Variants in NKAIN2 observed in about 807,000 individuals in gnomAD.
The protein encoded by NKAIN2 is sodium/potassium-transporting ATPase subunit beta-1-interacting protein 2.
NKAIN2 carries 14 observed loss-of-function variants against 32.6 expected under a neutral mutation model. The ratio of observed to expected loss-of-function variants is 0.43; its 90% confidence interval spans 0.28 to 0.67. The LOEUF is 0.67. NKAIN2 is among the 30% of genes least tolerant of loss of function. The probability of loss-of-function intolerance (pLI) is 0.17; values close to 1 mark genes in which losing one functional copy is unlikely to be tolerated. For missense variants in NKAIN2, 198 were observed against 258.3 expected (o/e 0.77, Z 1.60); for synonymous variants, 80 against 87.2 (o/e 0.92, Z 0.46).
chr6:124,271,548 C>T (rs946502939), intron 1 of NKAIN2, among the ~76,000 whole-genome samples: 2 of 152,170 alleles, frequency 1.3e-5, no homozygotes, highest in Non-Finnish European at 2.9e-5. Context: ...TACCCAGTCT[C>T]AGATGGTATC....
chr6:124,637,638 AAAG>A (rs1334759670), intron 3 of NKAIN2, among the ~76,000 whole-genome samples: 2 of 152,128 alleles, frequency 1.3e-5, no homozygotes, highest in African/African-American at 4.8e-5. Context: ...AGTAGGTAAG[AAAG>A]AAATTATGAA....
intron 3 of NKAIN2, among the ~76,000 whole-genome samples, chr6:124,524,800 A>G (rs916182484): frequency 2.6e-5 from 4 of 152,180 alleles, no homozygotes; most frequent in African/African-American, 9.7e-5. Context: ...TTTTGAATCA[A>G]TATGCTTTTT....
At chr6:124,188,962 T>G (rs551098216) in intron 1 of NKAIN2, among the ~76,000 whole-genome samples, 1 of 152,158 alleles carries the variant, frequency 6.6e-6, no homozygotes, top group Non-Finnish European at 1.5e-5. Flanking sequence ...CTGAGCAAAT[T>G]TGAAAAATAA....
At chr6:124,667,362 C>A (rs1293042272) in intron 4 of NKAIN2, among the ~76,000 whole-genome samples, 1 of 151,970 alleles carries the variant, frequency 6.6e-6, no homozygotes, top group Non-Finnish European at 1.5e-5. Flanking sequence ...GTGCAATAAA[C>A]AATGTATGAT....
Position 124,823,402 on chromosome 6 carries a change from G to T in NKAIN2, c.*173G>T. 1.6e-6 allele frequency: 1 copy of T among 612,078 alleles called. No homozygotes were observed. Among genetic ancestry groups the T allele is most frequent in the Non-Finnish European group, 2.9e-6 (1 of 340,080 alleles). 37.9% of individuals were successfully genotyped at this position (612,078 alleles called of 1,614,324 possible). A position where few individuals can be genotyped will look rare whatever the true frequency, so the allele number is the denominator to read the frequency against. On this transcript the variant is annotated 3_prime_UTR_variant, in exon 7 of 7. Transcript: ENST00000368417. ...CTGACACACACACACACACACACGT[G>T]AGCACGCACACACCAATTCCACTTG...
intron 3 of NKAIN2, among the ~76,000 whole-genome samples, chr6:124,609,576 G>C (rs1782616857): frequency 6.6e-6 from 1 of 152,002 alleles, no homozygotes; most frequent in Non-Finnish European, 1.5e-5. Context: ...ATGAACATGT[G>C]TCTGATCGAT....
At chr6:124,780,811 C>CGCTGGTGT (rs1434078991) in intron 4 of NKAIN2, among the ~76,000 whole-genome samples, 4 of 152,172 alleles carry the variant, frequency 2.6e-5, no homozygotes, top group Admixed American at 2.6e-4. Context: ...AAGAAGCCCA[C>CGCTGGTGT]GCTGGTGTGT....
At chr6:124,585,989 G>C (rs1372546705) in intron 3 of NKAIN2, among the ~76,000 whole-genome samples, 1 of 152,026 alleles carries the variant, frequency 6.6e-6, no homozygotes, top group Non-Finnish European at 1.5e-5. Context: ...ATAGCTTTAG[G>C]TTTTACATTT....
At chr6:124,810,819 C>T (rs529566185) in intron 5 of NKAIN2, among the ~76,000 whole-genome samples, 1 of 151,784 alleles carries the variant, frequency 6.6e-6, no homozygotes, top group African/African-American at 2.4e-5. Flanking sequence ...TATGCTTCGC[C>T]TGCTCAAAGC....
chr6:124,596,342 T>A (rs1272429469), intron 3 of NKAIN2, among the ~76,000 whole-genome samples: 4 of 152,044 alleles, frequency 2.6e-5, no homozygotes, highest in Admixed American at 1.3e-4. Flanking sequence ...GTTGCAGAAT[T>A]GCAGTGGAAA....
chr6:124,199,156 G>T (rs1790482052), intron 1 of NKAIN2, among the ~76,000 whole-genome samples: 1 of 152,100 alleles, frequency 6.6e-6, no homozygotes, highest in Non-Finnish European at 1.5e-5. Context: ...ACAGGATTTT[G>T]CTTGGCACAA....
intron 1 of NKAIN2, among the ~76,000 whole-genome samples, chr6:124,103,017 G>T (rs1441728586): frequency 1.3e-5 from 2 of 152,108 alleles, no homozygotes; most frequent in African/African-American, 2.4e-5. Flanking sequence ...GAAAACAGTA[G>T]ACTGAAAATC....
At chr6:124,049,540 T>C (rs991466696) in intron 1 of NKAIN2, among the ~76,000 whole-genome samples, 5 of 152,126 alleles carry the variant, frequency 3.3e-5, no homozygotes, top group Non-Finnish European at 7.4e-5. Flanking sequence ...TCCCCTGTTA[T>C]GTGCAGTTTT....
intron 1 of NKAIN2, among the ~76,000 whole-genome samples, chr6:124,097,454 A>C (rs73563161): frequency 0.028 from 4,260 of 152,146 alleles, 199 homozygotes; most frequent in African/African-American, 0.096. Flanking sequence ...AAATCAATAT[A>C]AATTTCATCT....
At chr6:124,278,606 A>G (rs1795143539) in intron 1 of NKAIN2, among the ~76,000 whole-genome samples, 1 of 146,458 alleles carries the variant, frequency 6.8e-6, no homozygotes, top group South Asian at 2.1e-4. Context: ...ATATATATAC[A>G]TACACACACG....
chr6:124,541,234 G>A (rs1028113369), intron 3 of NKAIN2, among the ~76,000 whole-genome samples: 2 of 152,054 alleles, frequency 1.3e-5, no homozygotes, highest in African/African-American at 4.8e-5. Flanking sequence ...TCTCCCCAGT[G>A]GGGAACTGTG....
intron 3 of NKAIN2, among the ~76,000 whole-genome samples, chr6:124,553,943 T>G (rs1486415941): frequency 6.6e-6 from 1 of 152,224 alleles, no homozygotes; most frequent in African/African-American, 2.4e-5. Flanking sequence ...ATAATTTTTA[T>G]GTGAGTCTTG....
At chr6:123,916,149 A>G (rs1235117874) in intron 1 of NKAIN2, among the ~76,000 whole-genome samples, 1 of 152,172 alleles carries the variant, frequency 6.6e-6, no homozygotes, top group Non-Finnish European at 1.5e-5. Context: ...AGATAAGTTA[A>G]TCTAGGGCAC....
chr6:124,345,606 T>C (rs1481801824), intron 2 of NKAIN2, among the ~76,000 whole-genome samples: 2 of 151,964 alleles, frequency 1.3e-5, no homozygotes, highest in Admixed American at 1.3e-4. Flanking sequence ...TTCTAGATTT[T>C]CTAGTTTATT....
Sources: gnomAD v4.1 joint callset for allele counts (sites outside exome capture counted in the v4.1 genomes callset) on GRCh38, gnomAD v4.1.1 for gene constraint, MANE v1.5 for transcripts, NCBI Gene and HGNC (gene_info 2026-07-23, HGNC 2026-07-21) for gene names.